FMN1: variants seen among roughly 807,000 people sequenced by gnomAD.
FMN1 encodes the protein formin-1.
FMN1 carries 110 observed loss-of-function variants against 132.4 expected under a neutral mutation model. The observed-to-expected ratio is 0.83, with a 90% CI of 0.71 to 0.97. The LOEUF is 0.97. FMN1 is among the 50% of genes least tolerant of loss of function. FMN1 has a pLI of 0.00. For synonymous variants in FMN1, 722 were observed against 651.7 expected, an observed-to-expected ratio of 1.11 and a Z score of -1.64; for missense variants, 1,792 against 1,705.3, an observed-to-expected ratio of 1.05 and a Z score of -0.90.
intron 4 of FMN1, among the ~76,000 whole-genome samples, chr15:33,104,953 A>T (rs1317492417): frequency 6.6e-6 from 1 of 152,126 alleles, no homozygotes; most frequent in Non-Finnish European, 1.5e-5. Flanking sequence ...GATAAGCAAT[A>T]AGCAAAAGAT....
intron 10 of FMN1, among the ~76,000 whole-genome samples, chr15:32,918,019 G>T (rs1422821389): frequency 6.6e-6 from 1 of 151,962 alleles, no homozygotes. Flanking sequence ...GCAATGAAAT[G>T]ATTAAGCTTT....
rs2056332491 is a variant in FMN1, at chr15:32,774,009, A to T, written c.*301T>A. On this transcript the variant is annotated 3_prime_UTR_variant, in exon 21 of 21. Coordinates refer to ENST00000616417, the MANE Select transcript of FMN1 (RefSeq NM_001277313.2). ...AGCTGGAAATCTCAGCTTTTAAAAA[A>T]ATTTTGGAAACATTTTGGTATTTCT... 5.2e-6 allele frequency: 2 copies of T among 388,296 alleles called. No homozygotes were observed. Among genetic ancestry groups the T allele is most frequent in the South Asian group, 3.7e-5 (1 of 27,256 alleles). 24.1% of individuals were successfully genotyped at this position (388,296 alleles called of 1,614,324 possible).
intron 7 of FMN1, among the ~76,000 whole-genome samples, chr15:32,994,232 T>TCTCTCTCACACA (rs904998781): frequency 2.7e-5 from 1 of 37,200 alleles, no homozygotes; most frequent in African/African-American, 5.6e-5. Flanking sequence ...TCTCTCTCTC[T>TCTCTCTCACACA]CACACACACA....
chr15:33,143,139 T>C (rs1388914464), intron 4 of FMN1, among the ~76,000 whole-genome samples: 3 of 152,222 alleles, frequency 2.0e-5, no homozygotes, highest in Admixed American at 1.3e-4. Flanking sequence ...TGACTTTGAG[T>C]ACCCAAGTTC....
At chr15:33,035,381 T>C (rs950386114) in intron 6 of FMN1, among the ~76,000 whole-genome samples, 3 of 152,192 alleles carry the variant, frequency 2.0e-5, no homozygotes, top group African/African-American at 7.2e-5. Flanking sequence ...CTACATTCGA[T>C]AGACCCCTGA....
chr15:33,144,637 G>GGA (rs1491365531), intron 4 of FMN1, among the ~76,000 whole-genome samples: 1 of 101,128 alleles, frequency 9.9e-6, no homozygotes, highest in Non-Finnish European at 2.0e-5. Context: ...GACTCCGTCT[G>GGA]AAAAAAAAAA....
chr15:32,965,286 G>T (rs2031092323), intron 8 of FMN1, among the ~76,000 whole-genome samples: 1 of 152,020 alleles, frequency 6.6e-6, no homozygotes, highest in Non-Finnish European at 1.5e-5. Context: ...TGTAATCCTA[G>T]CTACTTGGGA....
chr15:32,817,740 C>T (rs11636374), intron 17 of FMN1, among the ~76,000 whole-genome samples: 28,815 of 152,184 alleles, frequency 0.19, 2,913 homozygotes, highest in East Asian at 0.32. Flanking sequence ...AGTGACCACA[C>T]TGCTTCTAAG....
intron 16 of FMN1, among the ~76,000 whole-genome samples, chr15:32,872,076 T>C (rs1157133675): frequency 6.6e-6 from 1 of 151,838 alleles, no homozygotes; most frequent in African/African-American, 2.4e-5. Context: ...ATGTGTCACG[T>C]TTAATTGGAA....
chr15:33,009,641 C>G (rs888917078), intron 6 of FMN1, among the ~76,000 whole-genome samples: 1 of 152,158 alleles, frequency 6.6e-6, no homozygotes, highest in African/African-American at 2.4e-5. Context: ...CTAAGTCTTA[C>G]TTTATCAACT....
intron 17 of FMN1, among the ~76,000 whole-genome samples, chr15:32,848,988 T>C (rs1053650643): frequency 7.3e-6 from 1 of 136,870 alleles, no homozygotes; most frequent in Non-Finnish European, 1.6e-5. Context: ...TTTTTTTTTT[T>C]TTTTTTTTTT....
chr15:32,923,297 G>T (rs950465350), intron 10 of FMN1, among the ~76,000 whole-genome samples: 3 of 152,182 alleles, frequency 2.0e-5, no homozygotes, highest in African/African-American at 7.2e-5. Flanking sequence ...TTTCACCAGG[G>T]TGACAACACA....
intron 3 of FMN1, among the ~76,000 whole-genome samples, chr15:33,173,958 G>GAAAGAAAGAAAT (rs35385066): frequency 6.6e-6 from 1 of 151,742 alleles, no homozygotes; most frequent in Non-Finnish European, 1.5e-5. Flanking sequence ...AAGAAAGAAA[G>GAAAGAAAGAAAT]AAACTTCAGG....
chr15:33,113,478 C>T (rs1419088466), intron 4 of FMN1, among the ~76,000 whole-genome samples: 1 of 151,916 alleles, frequency 6.6e-6, no homozygotes, highest in Non-Finnish European at 1.5e-5. Flanking sequence ...ACATAGGGTA[C>T]GATATAGACA....
intron 6 of FMN1, among the ~76,000 whole-genome samples, chr15:33,051,280 G>A (rs1164303331): frequency 1.3e-5 from 2 of 152,154 alleles, no homozygotes; most frequent in Non-Finnish European, 2.9e-5. Flanking sequence ...AAACAGTCTG[G>A]GAAAGGTTAA....
intron 4 of FMN1, among the ~76,000 whole-genome samples, chr15:33,127,064 C>T (rs1316320806): frequency 6.6e-6 from 1 of 152,140 alleles, no homozygotes; most frequent in African/African-American, 2.4e-5. Flanking sequence ...AAGCTTTCTG[C>T]TGTTTTCCAG....
intron 10 of FMN1, among the ~76,000 whole-genome samples, chr15:32,922,182 AGTCATGACACCTG>A (rs1319921815): frequency 6.6e-6 from 1 of 152,154 alleles, no homozygotes; most frequent in African/African-American, 2.4e-5. Flanking sequence ...GTGCTGTTGT[AGTCATGACACCTG>A]ATGCGGAGCT....
At chr15:33,030,203 G>A (rs2035871528) in intron 6 of FMN1, among the ~76,000 whole-genome samples, 1 of 152,116 alleles carries the variant, frequency 6.6e-6, no homozygotes, top group South Asian at 2.1e-4. Context: ...GTAAATATAA[G>A]AGCCAGAATG....
intron 6 of FMN1, among the ~76,000 whole-genome samples, chr15:33,010,785 G>A (rs1405520708): frequency 6.6e-6 from 1 of 150,792 alleles, no homozygotes; most frequent in Non-Finnish European, 1.5e-5. Context: ...GTTTAAAAAA[G>A]AAAAGCATAA....
Sources: allele counts gnomAD v4.1 joint callset (sites outside exome capture counted in the v4.1 genomes callset), GRCh38; gene constraint gnomAD v4.1.1; transcripts MANE v1.5; gene names NCBI Gene and HGNC (gene_info 2026-07-23, HGNC 2026-07-21).